The following IGFBP5 variants were observed in gnomAD, a reference collection of about 807,000 sequenced individuals.
IGFBP5 encodes the protein insulin like growth factor binding protein 5.
A neutral mutation model predicts 28.0 loss-of-function variants in IGFBP5; 12 were observed. The ratio of observed to expected loss-of-function variants is 0.43; its 90% CI spans 0.27 to 0.69. The LOEUF is 0.69. Among genes scored for constraint, IGFBP5 ranks in the 30% least tolerant of loss-of-function variants. The pLI, the probability that IGFBP5 is intolerant of heterozygous loss-of-function variation, is 0.20. For synonymous variants in IGFBP5, 152 were observed against 150.2 expected, an observed-to-expected ratio of 1.01 and a Z score of -0.09; for missense variants, 344 against 381.6, an observed-to-expected ratio of 0.90 and a Z score of 0.82.
Position 216,674,941 on chromosome 2 carries a change from T to C in IGFBP5, c.*1810A>G, listed in dbSNP as rs1201646941. The C allele has an allele frequency of 1.3e-5, 2 of 152,222 alleles. No homozygotes were observed. The highest frequency in any genetic ancestry group is 2.9e-5 in the Non-Finnish European group (2 of 68,044). 9.4% of individuals were successfully genotyped at this position (152,222 alleles called of 1,614,324 possible). A position where few individuals can be genotyped will look rare whatever the true frequency, so the allele number is the denominator to read the frequency against. ...AGACTGATTCTTCCTATCTGGCTTC[T>C]AAAGTCTAGCACCCTCCTAAAGTTA... On this transcript the variant is annotated 3_prime_UTR_variant, in exon 4 of 4. Transcript: ENST00000233813. This position sits in a 1 kb window ranked among gnomAD's most constrained non-coding sequence, Gnocchi z 4.4.
At chr2:216,684,865 T>C (rs1407468178) in intron 1 of IGFBP5, among the ~76,000 whole-genome samples, 1 of 152,248 alleles carries the variant, frequency 6.6e-6, no homozygotes, top group Non-Finnish European at 1.5e-5. Flanking sequence ...GCTCCTGCCC[T>C]GGAGCAAGAT....
intron 1 of IGFBP5, among the ~76,000 whole-genome samples, chr2:216,680,484 C>G (rs1361478692): frequency 1.3e-5 from 2 of 152,170 alleles, no homozygotes; most frequent in African/African-American, 4.8e-5. Context: ...TCTGAGCTTG[C>G]AGCCCTGGGC....
Position 216,679,389 on chromosome 2 carries a change from G to C in IGFBP5, c.338-310C>G, listed in dbSNP as rs1477527817. On this transcript the variant is annotated intron_variant, in intron 1 of 3. Coordinates refer to ENST00000233813, the MANE Select transcript of IGFBP5 (RefSeq NM_000599.4). The surrounding 1 kb of genome is among the most constrained non-coding windows in gnomAD (Gnocchi z 4.6). ...GGACGGAGCAGGCCTTCTGGGGGCA[G>C]TAAGGAGGAAGGGCAAGGAAAATGG... is the stretch of plus-strand genomic sequence containing the variant. 2.6e-5 allele frequency among the ~76,000 whole-genome samples: 4 copies of C among 152,124 alleles called. No individual in the cohort carries two copies.
intron 1 of IGFBP5, among the ~76,000 whole-genome samples, chr2:216,690,815 G>C (rs1326070383): frequency 1.4e-5 from 2 of 147,640 alleles, no homozygotes; most frequent in Admixed American, 6.9e-5. Context: ...AAGAATATGA[G>C]CTCTCACTAG....
intron 1 of IGFBP5, among the ~76,000 whole-genome samples, chr2:216,680,763 G>T (rs1688969453): frequency 6.6e-6 from 1 of 152,186 alleles, no homozygotes; most frequent in Non-Finnish European, 1.5e-5. Context: ...AGAGGAAGAT[G>T]ATGACTTGGG....
At chr2:216,682,007 T>C (rs1056006961) in intron 1 of IGFBP5, among the ~76,000 whole-genome samples, 3 of 152,224 alleles carry the variant, frequency 2.0e-5, no homozygotes, top group African/African-American at 7.2e-5. Context: ...GATACTGGCA[T>C]ACAAAATGTA....
chr2:216,682,627 T>A (rs1278944696), intron 1 of IGFBP5, among the ~76,000 whole-genome samples: 3 of 151,760 alleles, frequency 2.0e-5, no homozygotes, highest in Admixed American at 6.6e-5. Flanking sequence ...GACAAACAGG[T>A]CAATATCTCC....
At position 216,678,176 on chromosome 2, in the gene IGFBP5, C is replaced by T. The variant is rs760759991; in HGVS notation, c.623G>A (p.Arg208His). The T allele has an allele frequency of 1.3e-5, 20 of 1,595,120 alleles. No individual in the cohort carries two copies. The East Asian group carries it at 1.6e-4, about 13-fold the overall frequency. Residue 208 changes from arginine (R) to histidine (H), a missense_variant, in exon 3 of 4, where the codon CGC becomes CAC. By Grantham distance (29) the Arg-to-His change is conservative (BLOSUM62 0). Around this residue, in one of 3 missense-constraint regions of IGFBP5, gnomAD observed 304 missense variants for 329.2 expected, o/e 0.92. Transcript: ENST00000233813. ...CAGGTACACAGCACGGGGCACCATG[C>T]GTGGGCTGGCTTTGAGCTCCTGCAG... ...ASLQELKASPRMVPRAVYLPN... is the reference protein window; with the variant it reads ...ASLQELKASPHMVPRAVYLPN...
At chr2:216,689,158 C>T (rs1241440327) in intron 1 of IGFBP5, among the ~76,000 whole-genome samples, 2 of 152,194 alleles carry the variant, frequency 1.3e-5, no homozygotes, top group Admixed American at 1.3e-4. Flanking sequence ...GAGGACTGTG[C>T]TGTTGGAAGC....
At chr2:216,677,778 G>C (rs1688920792) in intron 3 of IGFBP5, among the ~76,000 whole-genome samples, 1 of 152,230 alleles carries the variant, frequency 6.6e-6, no homozygotes, top group Admixed American at 6.5e-5. Context: ...GTGGTTCACA[G>C]AGAAAATATG....
Position 216,678,985 on chromosome 2 carries a change from G to T in IGFBP5, c.432C>A (p.Ile144=). The change falls in exon 2 of 4, where the codon ATC becomes ATA. Residue 144 remains isoleucine (I), a synonymous_variant. Transcript: ENST00000233813. ...PKIFRPKHTR[I]SELKAEAVKK... Reference sequence around the variant, plus strand: ...TCACTGCTTCAGCCTTCAGCTCGGAGATGCGGGTGTGTTTGGGCCGGAAGA... The same window carrying T: ...TCACTGCTTCAGCCTTCAGCTCGGATATGCGGGTGTGTTTGGGCCGGAAGA... The T allele has an allele frequency of 1.2e-6, 2 of 1,614,172 alleles. No homozygotes were observed. Among genetic ancestry groups the T allele is most frequent in the Non-Finnish European group, 1.7e-6 (2 of 1,180,036 alleles).
At chr2:216,693,666 C>T (rs1325770134) in intron 1 of IGFBP5, among the ~76,000 whole-genome samples, 1 of 152,104 alleles carries the variant, frequency 6.6e-6, no homozygotes, top group African/African-American at 2.4e-5. Flanking sequence ...CAAACCCTTC[C>T]TTTCTACTCT....
chr2:216,680,916 G>A (rs1688971146), intron 1 of IGFBP5, among the ~76,000 whole-genome samples: 1 of 152,160 alleles, frequency 6.6e-6, no homozygotes, highest in Admixed American at 6.6e-5. Context: ...ATCAGACCCT[G>A]CTGTGACGAC....
At chr2:216,681,122 C>T (rs1688973620) in intron 1 of IGFBP5, among the ~76,000 whole-genome samples, 4 of 152,060 alleles carry the variant, frequency 2.6e-5, no homozygotes, top group Admixed American at 1.3e-4. Flanking sequence ...GTAACACAGG[C>T]CTCACGCCAA....
intron 1 of IGFBP5, among the ~76,000 whole-genome samples, chr2:216,686,650 A>ATTTAC (rs1171127632): frequency 6.5e-5 from 9 of 138,898 alleles, no homozygotes; most frequent in South Asian, 2.4e-4. Context: ...CTTGGTACAG[A>ATTTAC]TTTACTTTGA....
In IGFBP5 at chr2:216,675,341, G is replaced by C. The variant is rs1688881938; in HGVS notation, c.*1410C>G. The C allele has an allele frequency of 6.6e-6, 1 of 152,572 alleles. No individual in the cohort carries two copies. The highest frequency in any genetic ancestry group is 1.5e-5 in the Non-Finnish European group (1 of 68,076). The allele number at this position is 152,572 out of a possible 1,614,324, so 9.5% of individuals were successfully genotyped here. On this transcript the variant is annotated 3_prime_UTR_variant, in exon 4 of 4. Coordinates refer to ENST00000233813, the MANE Select transcript of IGFBP5 (RefSeq NM_000599.4). ...AATGCACATTCTGTTCAGATGAAAG[G>C]AAAAGGCTGGGGTGGGACTGGTGGA...
chr2:216,678,009 G>A, intron 3 of IGFBP5, 103 bp downstream of exon 3: 1 of 1,124,308 alleles, frequency 8.9e-7, no homozygotes, highest in Non-Finnish European at 1.2e-6. Flanking sequence ...GAAACACTAA[G>A]TGGTTAACGG....
Position 216,675,004 on chromosome 2 carries a change from T to C in IGFBP5, c.*1747A>G, listed in dbSNP as rs1205827162. 2 of 152,230 alleles carry C rather than the reference T, an allele frequency of 1.3e-5. No homozygotes were observed. Among genetic ancestry groups the C allele is most frequent in the African/African-American group, 4.8e-5 (2 of 41,444 alleles). The allele number at this position is 152,230 out of a possible 1,614,324, so 9.4% of individuals were successfully genotyped here. A position where few individuals can be genotyped will look rare whatever the true frequency, so the allele number is the denominator to read the frequency against. ...GGCTCTGCGGCCTGGATTAAGCTCA[T>C]TTCTATTTTGCAACCCATTCCCCCA... is the stretch of plus-strand genomic sequence containing the variant. On this transcript the variant is annotated 3_prime_UTR_variant, in exon 4 of 4. Coordinates refer to ENST00000233813, the MANE Select transcript of IGFBP5 (RefSeq NM_000599.4).
At chr2:216,688,835 C>T (rs1689060614) in intron 1 of IGFBP5, among the ~76,000 whole-genome samples, 3 of 152,168 alleles carry the variant, frequency 2.0e-5, no homozygotes, top group Non-Finnish European at 2.9e-5. Flanking sequence ...TCTTATCTGC[C>T]TCCTTCCTAA....
Sources: gnomAD v4.1 joint callset for allele counts (sites outside exome capture counted in the v4.1 genomes callset) on GRCh38, gnomAD v4.1.1 for gene constraint, gnomAD v4.1.1 regional missense constraint, Gnocchi (gnomAD v3.1) non-coding constraint, MANE v1.5 for transcripts, NCBI Gene and HGNC (gene_info 2026-07-23, HGNC 2026-07-21) for gene names.